The following GRIK2 variants were observed in gnomAD, a reference collection of about 807,000 sequenced individuals.
The protein encoded by GRIK2 is glutamate ionotropic receptor kainate type subunit 2.
In GRIK2, 32 loss-of-function variants were observed where a neutral mutation model predicts 100.3. The observed-to-expected ratio is 0.32, with a 90% CI of 0.24 to 0.43. The LOEUF (loss-of-function observed/expected upper bound fraction) is 0.43, where lower values mean the gene tolerates loss of function less well. Among genes scored for constraint, GRIK2 ranks in the 20% least tolerant of loss-of-function variants. The pLI is 1.00. For missense variants in GRIK2, 843 were observed against 1,114.9 expected, an observed-to-expected ratio of 0.76 and a Z score of 3.47; for synonymous variants, 417 against 389.4, an observed-to-expected ratio of 1.07 and a Z score of -0.83.
At chr6:101,803,565 G>A (rs965196913) in intron 9 of GRIK2, among the ~76,000 whole-genome samples, 1 of 151,840 alleles carries the variant, frequency 6.6e-6, no homozygotes, top group African/African-American at 2.4e-5. Flanking sequence ...CTCCAGATGA[G>A]AAAATTAGTC....
intron 2 of GRIK2, among the ~76,000 whole-genome samples, chr6:101,401,702 A>C (rs1775314772): frequency 6.6e-6 from 1 of 152,194 alleles, no homozygotes; most frequent in Admixed American, 6.5e-5. Context: ...TCTGGGATAA[A>C]CACGTTCTGA....
At position 101,558,562 on chromosome 6, in the gene GRIK2, G is replaced by A. The variant is rs568327232; in HGVS notation, c.116-63387G>A. 7.2e-5 allele frequency among the ~76,000 whole-genome samples: 11 copies of A among 152,208 alleles called. No homozygotes were observed. The South Asian group carries it at 2.3e-3, about 32-fold the overall frequency. ...TGGAAATAGTGTGGTTATAACACCT[G>A]GGAATGTGGTAGGGGTGGGTGTATG... is the stretch of plus-strand genomic sequence containing the variant. On this transcript the variant is annotated intron_variant, in intron 2 of 16. Transcript: ENST00000369134.
At chr6:101,695,450 C>G (rs1772412496) in intron 7 of GRIK2, among the ~76,000 whole-genome samples, 1 of 152,122 alleles carries the variant, frequency 6.6e-6, no homozygotes, top group Non-Finnish European at 1.5e-5. Flanking sequence ...GGGGCACTGT[C>G]AAACCATAGC....
At chr6:101,869,848 TG>T (rs1452279369) in intron 11 of GRIK2, among the ~76,000 whole-genome samples, 2 of 151,786 alleles carry the variant, frequency 1.3e-5, no homozygotes, top group Non-Finnish European at 2.9e-5. Flanking sequence ...GAATATTGAT[TG>T]GTTTTGGGTG....
intron 12 of GRIK2, among the ~76,000 whole-genome samples, chr6:101,902,935 A>T (rs1465657219): frequency 1.3e-5 from 2 of 151,860 alleles, no homozygotes; most frequent in Non-Finnish European, 2.9e-5. Flanking sequence ...CATAGTCTCA[A>T]ATTAGACAAA....
intron 2 of GRIK2, among the ~76,000 whole-genome samples, chr6:101,422,785 C>T (rs1776474292): frequency 6.6e-6 from 1 of 152,056 alleles, no homozygotes; most frequent in African/African-American, 2.4e-5. Flanking sequence ...AAGTATCATA[C>T]ATATATTTCC....
Position 101,818,400 on chromosome 6 carries a change from A to G in GRIK2, c.1234A>G (p.Asn412Asp), listed in dbSNP as rs1417974194. ...IGTWDPASGL[N>D]MTESQKGKPA... ...AACGTGGGATCCAGCCAGTGGCCTG[A>G]ATATGACAGAAAGTCAAAAGGGAAA... The change falls in exon 10 of 17, where the codon AAT (asparagine) becomes GAT (aspartate). Residue 412 changes from asparagine (N) to aspartate (D), a missense_variant. By Grantham distance (23) the Asn-to-Asp change is conservative (BLOSUM62 1). Coordinates refer to ENST00000369134, the MANE Select transcript of GRIK2 (RefSeq NM_021956.5). 1 of 1,609,988 alleles carries G rather than the reference A, an allele frequency of 6.2e-7. No individual in the cohort carries two copies. Among genetic ancestry groups the G allele is most frequent in the Non-Finnish European group, 8.5e-7 (1 of 1,176,276 alleles).
intron 2 of GRIK2, among the ~76,000 whole-genome samples, chr6:101,415,646 A>G (rs1776108431): frequency 6.6e-6 from 1 of 151,890 alleles, no homozygotes; most frequent in African/African-American, 2.4e-5. Context: ...CTGGGATTAG[A>G]GCCTTGAGCC....
At chr6:101,656,733 C>T (rs1221000747) in intron 4 of GRIK2, among the ~76,000 whole-genome samples, 1 of 151,982 alleles carries the variant, frequency 6.6e-6, no homozygotes, top group Non-Finnish European at 1.5e-5. Context: ...CTGAAGGTAC[C>T]AATATAACCA....
intron 2 of GRIK2, among the ~76,000 whole-genome samples, chr6:101,540,201 A>G (rs145922362): frequency 1.3e-3 from 194 of 151,802 alleles, no homozygotes; most frequent in Middle Eastern, 6.8e-3. Flanking sequence ...TATTCTGACA[A>G]TTTACTTTGG....
rs1264837670 is a variant in GRIK2 at position 101,620,182 on chromosome 6, G to C, written c.116-1767G>C. 4 of 803,374 alleles carry C rather than the reference G, an allele frequency of 5.0e-6. No individual in the cohort carries two copies. In the African/African-American group the frequency reaches 7.5e-5, roughly 15 times the overall value. 49.8% of individuals were successfully genotyped at this position (803,374 alleles called of 1,614,324 possible). On this transcript the variant is annotated intron_variant, in intron 2 of 16. Transcript: ENST00000369134. ...AATCCAGAATGTTAAACCCGGTCTA[G>C]CTCCAAATAAATGTTATATATAAGG...
At chr6:101,841,721 G>A (rs1783517259) in intron 10 of GRIK2, among the ~76,000 whole-genome samples, 1 of 152,082 alleles carries the variant, frequency 6.6e-6, no homozygotes, top group African/African-American at 2.4e-5. Context: ...AGAATACACT[G>A]TGGAAAACAA....
intron 14 of GRIK2, among the ~76,000 whole-genome samples, chr6:101,971,809 C>T (rs531619941): frequency 6.6e-6 from 1 of 152,006 alleles, no homozygotes; most frequent in South Asian, 2.1e-4. Context: ...CATGTATACT[C>T]AAAGTTTAGC....
intron 2 of GRIK2, among the ~76,000 whole-genome samples, chr6:101,468,421 G>A (rs1771773419): frequency 6.6e-6 from 1 of 152,032 alleles, no homozygotes. Flanking sequence ...CCAGTTAGCT[G>A]GCATGTCTTT....
chr6:101,494,040 A>G (rs999231251), intron 2 of GRIK2, among the ~76,000 whole-genome samples: 11 of 131,074 alleles, frequency 8.4e-5, no homozygotes, highest in African/African-American at 2.9e-4. Context: ...ATAATTTATT[A>G]TATAAAATAT....
chr6:101,548,140 A>G (rs1367268587), intron 2 of GRIK2, among the ~76,000 whole-genome samples: 5 of 151,970 alleles, frequency 3.3e-5, no homozygotes, highest in South Asian at 4.1e-4. Flanking sequence ...GTCTGTTCAT[A>G]TCCTTCGCCC....
intron 10 of GRIK2, among the ~76,000 whole-genome samples, chr6:101,825,829 A>G (rs939803483): frequency 1.3e-5 from 2 of 151,990 alleles, no homozygotes; most frequent in Non-Finnish European, 2.9e-5. Flanking sequence ...TAACATTCTC[A>G]TTTTTTTAGG....
intron 2 of GRIK2, among the ~76,000 whole-genome samples, chr6:101,470,163 T>C (rs898522272): frequency 5.9e-5 from 9 of 152,140 alleles, no homozygotes; most frequent in Admixed American, 2.6e-4. Flanking sequence ...TTCAAATATT[T>C]CCAGTGAATT....
At chr6:101,743,016 C>T (rs142281792) in intron 7 of GRIK2, among the ~76,000 whole-genome samples, 2 of 152,200 alleles carry the variant, frequency 1.3e-5, no homozygotes, top group East Asian at 1.9e-4. Context: ...AGGTAACTGG[C>T]GATCTATACG....
Sources: allele counts gnomAD v4.1 joint callset (sites outside exome capture counted in the v4.1 genomes callset), GRCh38; gene constraint gnomAD v4.1.1; transcripts MANE v1.5; gene names NCBI Gene and HGNC (gene_info 2026-07-23, HGNC 2026-07-21).